FRY: variants seen among roughly 807,000 people sequenced by gnomAD.
FRY encodes the protein protein furry homolog.
A neutral mutation model predicts 348.4 loss-of-function variants in FRY; 128 were observed. The observed-to-expected ratio is 0.37, with a 90% CI of 0.32 to 0.43. The LOEUF (loss-of-function observed/expected upper bound fraction) is 0.43, where lower values mean the gene tolerates loss of function less well. Among genes scored for constraint, FRY ranks in the 20% least tolerant of loss-of-function variants. The probability of loss-of-function intolerance (pLI) is 1.00; values close to 1 mark genes in which losing one functional copy is unlikely to be tolerated. For missense variants in FRY, 2,736 were observed against 3,695.2 expected, an observed-to-expected ratio of 0.74 and a Z score of 6.73; for synonymous variants, 1,370 against 1,374.7, an observed-to-expected ratio of 1.00 and a Z score of 0.08.
chr13:32,251,904 T>C lies in FRY; in HGVS notation c.7197T>C (p.His2399=). 3 of 1,613,056 alleles carry C rather than the reference T, an allele frequency of 1.9e-6. No homozygotes were observed. The highest frequency in any genetic ancestry group is 2.5e-6 in the Non-Finnish European group (3 of 1,179,018). Residue 2399 remains histidine, a synonymous_variant, in exon 50 of 61, where the codon CAT becomes CAC. Transcript: ENST00000542859. ...AGAGAACAAAAGAGAAGTTGGTACATGTCCTTTCTCTGTGTGGCCAAGAAG... is the reference window on the plus strand; with the variant it reads ...AGAGAACAAAAGAGAAGTTGGTACACGTCCTTTCTCTGTGTGGCCAAGAAG... ...SQKRTKEKLV[H]VLSLCGQEVG...
chr13:32,079,010 C>G lies in FRY; in HGVS notation c.247C>G (p.Arg83Gly), dbSNP rs1166758078. Residue 83 changes from arginine (R) to glycine (G), a missense_variant, in exon 2 of 61, where the codon CGT becomes GGT. This residue lies in a region of FRY where 309 missense variants were observed against 418.1 expected (regional missense o/e 0.74). Coordinates refer to ENST00000542859, the MANE Select transcript of FRY (RefSeq NM_023037.3). ...NFTTQAERKI[R>G]IIMAEPLEKP... is the part of the protein sequence containing the mutation. ...CACCACTCAGGCTGAACGCAAGATT[C>G]GTATCATTATGGCAGAGCCCCTGGT... is the stretch of plus-strand genomic sequence containing the variant. 5 of 1,613,140 alleles carry G rather than the reference C, an allele frequency of 3.1e-6. No homozygotes were observed. In the South Asian group the frequency reaches 5.5e-5, roughly 18 times the overall value.
At chr13:32,189,087 A>C (rs1463370343) in intron 28 of FRY, among the ~76,000 whole-genome samples, 1 of 152,096 alleles carries the variant, frequency 6.6e-6, no homozygotes, top group Non-Finnish European at 1.5e-5. Context: ...CAGGTTTTCT[A>C]TTTGTAAACT....
chr13:32,237,376 C>G lies in FRY; in HGVS notation c.5811-3C>G, dbSNP rs1319640780. ...TATTAAACTTATTTATTTTTATACC[C>G]AGCTCTTCCTCACCAGATTTAAGCT... On this transcript the variant is annotated splice_polypyrimidine_tract_variant and splice_region_variant and intron_variant, in intron 43 of 60. Coordinates refer to ENST00000542859, the MANE Select transcript of FRY (RefSeq NM_023037.3). The surrounding 1 kb of genome is among the most constrained non-coding windows in gnomAD (Gnocchi z 6.3). 1 of 1,613,686 alleles carries G rather than the reference C, an allele frequency of 6.2e-7. No homozygotes were observed. The highest frequency in any genetic ancestry group is 1.7e-5 in the Admixed American group (1 of 60,004).
intron 58 of FRY, among the ~76,000 whole-genome samples, chr13:32,286,593 AG>A (rs1170959683): frequency 6.6e-6 from 1 of 151,638 alleles, no homozygotes; most frequent in Non-Finnish European, 1.5e-5. Context: ...TAAATACAAA[AG>A]CATTAGCTGG....
chr13:32,247,611 A>G (rs1566166307), intron 48 of FRY, 109 bp downstream of exon 48: 1 of 910,974 alleles, frequency 1.1e-6, no homozygotes, highest in Non-Finnish European at 1.8e-6. Context: ...GTTATTTCAA[A>G]TGAAGATTTC....
At chr13:32,182,666 G>GT (rs1205430610) in intron 23 of FRY, among the ~76,000 whole-genome samples, 3 of 152,032 alleles carry the variant, frequency 2.0e-5, no homozygotes, top group African/African-American at 7.2e-5. Flanking sequence ...ATAGGGTTTT[G>GT]TTTTTTTGTT....
At chr13:32,154,311 C>CA (rs1880975469) in intron 14 of FRY, among the ~76,000 whole-genome samples, 2 of 151,804 alleles carry the variant, frequency 1.3e-5, no homozygotes, top group Non-Finnish European at 2.9e-5. Context: ...AATTTAAGGC[C>CA]AAAAAATCAT....
chr13:32,066,716 T>C (rs911408206), intron 1 of FRY, among the ~76,000 whole-genome samples: 3 of 152,212 alleles, frequency 2.0e-5, no homozygotes, highest in African/African-American at 7.2e-5. Context: ...CCGCTTTTTC[T>C]CCCAATTTAC....
At chr13:32,200,852 C>T (rs1355714510) in intron 29 of FRY, among the ~76,000 whole-genome samples, 1 of 152,180 alleles carries the variant, frequency 6.6e-6, no homozygotes, top group African/African-American at 2.4e-5. Flanking sequence ...CCTTAGTGTT[C>T]CTCAGATCTC....
intron 51 of FRY, among the ~76,000 whole-genome samples, chr13:32,259,741 A>T: frequency 6.6e-6 from 1 of 151,852 alleles, no homozygotes; most frequent in East Asian, 1.9e-4. Flanking sequence ...TTCTTTACAC[A>T]TTGGATTTTC....
intron 17 of FRY, among the ~76,000 whole-genome samples, chr13:32,169,587 C>T (rs1022867167): frequency 2.0e-5 from 3 of 152,130 alleles, no homozygotes; most frequent in African/African-American, 7.2e-5. Flanking sequence ...CTCTGAATCC[C>T]TTCCCTGCTG....
At chr13:32,268,506 ATATATATATATAT>A (rs1367068834) in intron 55 of FRY, among the ~76,000 whole-genome samples, 1 of 28,860 alleles carries the variant, frequency 3.5e-5, no homozygotes, top group East Asian at 1.5e-3. Context: ...AAAAAAAAAA[ATATATATATATAT>A]ATATATATAT....
chr13:32,227,724 T>C (rs921701174), intron 39 of FRY, among the ~76,000 whole-genome samples: 1 of 151,698 alleles, frequency 6.6e-6, no homozygotes, highest in Non-Finnish European at 1.5e-5. Flanking sequence ...GTGACTGGTA[T>C]CCTCAAACAG....
At chr13:32,159,085 T>G (rs1194772784) in intron 16 of FRY, among the ~76,000 whole-genome samples, 1 of 151,784 alleles carries the variant, frequency 6.6e-6, no homozygotes, top group Admixed American at 6.6e-5. Context: ...AATGTAAACA[T>G]TTTATTTATG....
rs1366405279 is a variant in FRY, at chr13:32,060,888, G to A, written c.71-17946G>A. ...TTGGTATGAACAGTCTGCCCTGGACGGAAGGCCTGTTTTAGTTTGTCTTCT... is the reference window on the plus strand; with the variant it reads ...TTGGTATGAACAGTCTGCCCTGGACAGAAGGCCTGTTTTAGTTTGTCTTCT... On this transcript the variant is annotated intron_variant, in intron 1 of 60. Transcript: ENST00000542859. The A allele has an allele frequency of 1.7e-5, 6 of 351,796 alleles. No homozygotes were observed. The Admixed American group carries it at 1.9e-4, about 11-fold the overall frequency. 21.8% of individuals were successfully genotyped at this position (351,796 alleles called of 1,614,324 possible). A position where few individuals can be genotyped will look rare whatever the true frequency, so the allele number is the denominator to read the frequency against.
chr13:32,124,854 T>C lies in FRY; in HGVS notation c.695T>C (p.Ile232Thr), dbSNP rs757565589. The change falls in exon 7 of 61, where the codon ATT (isoleucine) becomes ACT (threonine). Residue 232 changes from isoleucine (I) to threonine (T), a missense_variant. Physicochemically the swap from Ile to Thr is moderately conservative, Grantham distance 89. Transcript: ENST00000542859. ...HIVADLYAEV[I>T]GVLAQAKFPA... ...GTGGCAGACCTGTATGCAGAAGTCA[T>C]TGGAGTGTTGGCACAAGCCAAGTAA... 3.6e-5 allele frequency: 58 copies of C among 1,612,372 alleles called. No homozygotes were observed. The highest frequency in any genetic ancestry group is 3.6e-5 in the Non-Finnish European group (42 of 1,178,460).
At position 32,157,418 on chromosome 13, in the gene FRY, A is replaced by C; in HGVS notation, c.1784+13A>C. 1 of 1,610,714 alleles carries C rather than the reference A, an allele frequency of 6.2e-7. No homozygotes were observed. The highest frequency in any genetic ancestry group is 8.5e-7 in the Non-Finnish European group (1 of 1,177,126). On this transcript the variant is annotated intron_variant, in intron 16 of 60. Coordinates refer to ENST00000542859, the MANE Select transcript of FRY (RefSeq NM_023037.3). ...AAGACATGATCACGTGAGTACAGTA[A>C]AGACTAAGTTATCAGTGAAAGATTA... is the stretch of plus-strand genomic sequence containing the variant.
At chr13:32,283,541 T>C (rs1038154693) in intron 58 of FRY, among the ~76,000 whole-genome samples, 2 of 152,268 alleles carry the variant, frequency 1.3e-5, no homozygotes, top group African/African-American at 4.8e-5. Context: ...TGCAAGCACC[T>C]GTCTGCTGAA....
chr13:32,271,962 A>G (rs1044076023), intron 55 of FRY, among the ~76,000 whole-genome samples: 5 of 152,308 alleles, frequency 3.3e-5, no homozygotes, highest in Admixed American at 6.5e-5. Context: ...TTTTTCATCA[A>G]TATATTAAAT....
Sources: allele counts gnomAD v4.1 joint callset (sites outside exome capture counted in the v4.1 genomes callset), GRCh38; gene constraint gnomAD v4.1.1; regional missense constraint gnomAD v4.1.1; non-coding constraint Gnocchi (gnomAD v3.1); transcripts MANE v1.5; gene names NCBI Gene and HGNC (gene_info 2026-07-23, HGNC 2026-07-21).